The following ZCWPW2 variants were observed in gnomAD, a reference collection of about 807,000 sequenced individuals.
ZCWPW2 encodes the protein zinc finger CW-type PWWP domain protein 2.
Under a neutral mutation model 46.6 loss-of-function variants are expected in ZCWPW2, and 45 were observed. The observed-to-expected ratio is 0.96, with a 90% confidence interval of 0.76 to 1.24. ZCWPW2 has a LOEUF of 1.24. Among genes scored for constraint, ZCWPW2 ranks in the 50% most tolerant of loss-of-function variants. The pLI is 0.00. For missense variants in ZCWPW2, 429 were observed against 403.9 expected, an observed-to-expected ratio of 1.06 and a Z score of -0.53; for synonymous variants, 152 against 137.1, an observed-to-expected ratio of 1.11 and a Z score of -0.76.
In ZCWPW2 at chr3:28,440,109, C is replaced by G. The variant is rs144127856; in HGVS notation, c.492+4840C>G. On this transcript the variant is annotated intron_variant, in intron 4 of 9. Transcript: ENST00000383768. ...ATCACAGGGCATGGTAATACTAAGA[C>G]AAACTCTCATAGATCTCCTGTATTC... is the stretch of plus-strand genomic sequence containing the variant. 2.5e-3 allele frequency among the ~76,000 whole-genome samples: 385 copies of G among 152,260 alleles called. 1 individual carries two copies. The highest frequency in any genetic ancestry group is 8.4e-3 in the African/African-American group (349 of 41,546).
chr3:28,497,493 G>C (rs535230276), intron 6 of ZCWPW2, among the ~76,000 whole-genome samples: 2 of 151,632 alleles, frequency 1.3e-5, no homozygotes, highest in South Asian at 4.1e-4. Context: ...AAATGACTTA[G>C]TAAACATCCT....
intron 4 of ZCWPW2, among the ~76,000 whole-genome samples, chr3:28,451,256 T>C (rs1698213899): frequency 6.6e-6 from 1 of 152,112 alleles, no homozygotes; most frequent in Non-Finnish European, 1.5e-5. Flanking sequence ...ATATTTAAAG[T>C]CTAACAGCCA....
In ZCWPW2 at chr3:28,478,782, T is replaced by C. The variant is rs1484307892; in HGVS notation, c.493-32T>C. On this transcript the variant is annotated intron_variant, in intron 4 of 9. Transcript: ENST00000383768. Reference sequence around the variant, plus strand: ...TAAAACAAAGTTATATATTTAAAAATGAATTTTTTTCTTTTTTCTGTATTT... The same window carrying C: ...TAAAACAAAGTTATATATTTAAAAACGAATTTTTTTCTTTTTTCTGTATTT... 9 of 1,218,654 alleles carry C rather than the reference T, an allele frequency of 7.4e-6. No homozygotes were observed. The South Asian group carries it at 1.7e-4, about 23-fold the overall frequency. 75.5% of individuals were successfully genotyped at this position (1,218,654 alleles called of 1,614,324 possible). A position where few individuals can be genotyped will look rare whatever the true frequency, so the allele number is the denominator to read the frequency against.
At chr3:28,491,932 T>C (rs1246503687) in intron 5 of ZCWPW2, among the ~76,000 whole-genome samples, 195 bp from the exon 6 acceptor site, 2 of 152,064 alleles carry the variant, frequency 1.3e-5, no homozygotes, top group South Asian at 2.1e-4. Context: ...GTTCATATTA[T>C]TACTTTTGGA....
chr3:28,381,000 GTATATATATATATATATATATTTGGTATA>G lies in ZCWPW2; in HGVS notation c.-133-9482_-133-9454del, dbSNP rs1695059365. Among the ~76,000 whole-genome samples, 10 of 4,564 alleles carry G rather than the reference GTATATATATATATATATATATTTGGTATA, an allele frequency of 2.2e-3. 1 individual carries two copies. Among genetic ancestry groups the G allele is most frequent in the Admixed American group, 5.2e-3 (2 of 388 alleles). The allele number at this position is 4,564 out of a possible 152,430, so 3.0% of individuals were successfully genotyped here. On this transcript the variant is annotated intron_variant, in intron 1 of 9. Coordinates refer to ENST00000383768, the MANE Select transcript of ZCWPW2 (RefSeq NM_001040432.4). ...GTATATATATATATATATATATTTGGTATATATATATATATATATATTTGGTATATATATATATATATATTTGGTGTATA... is the reference window on the plus strand; with the variant it reads ...GTATATATATATATATATATATTTGGTATATATATATATATTTGGTGTATA...
At chr3:28,397,534 G>A (rs1265017764) in intron 2 of ZCWPW2, among the ~76,000 whole-genome samples, 5 of 152,126 alleles carry the variant, frequency 3.3e-5, no homozygotes, top group Non-Finnish European at 7.4e-5. Flanking sequence ...ACTGGGCTTG[G>A]TGGCAAGCAC....
chr3:28,471,884 A>G (rs1177634092), intron 4 of ZCWPW2, among the ~76,000 whole-genome samples: 2 of 152,338 alleles, frequency 1.3e-5, no homozygotes, highest in Non-Finnish European at 1.5e-5. Context: ...GGAAAGTTGT[A>G]GGATACTAAT....
rs140167915 is a variant in ZCWPW2 at position 28,489,282 on chromosome 3, T to C, written c.611-2845T>C. Among the ~76,000 whole-genome samples the C allele has an allele frequency of 4.5e-3, 678 of 152,264 alleles. 4 individuals are homozygous for C. Among genetic ancestry groups the C allele is most frequent in the African/African-American group, 0.015 (623 of 41,570 alleles). ...CTATTTTTAATGATTGATATTTCAT[T>C]ATGACTTTTATCCTTATTAGAGGTT... On this transcript the variant is annotated intron_variant, in intron 5 of 9. Transcript: ENST00000383768.
At chr3:28,422,759 CTATGAG>C (rs1696844918) in intron 3 of ZCWPW2, among the ~76,000 whole-genome samples, 1 of 151,786 alleles carries the variant, frequency 6.6e-6, no homozygotes, top group Non-Finnish European at 1.5e-5. Flanking sequence ...GGACAGTATG[CTATGAG>C]TATGTGTGTG....
chr3:28,448,481 C>CTATA (rs1184860926), intron 4 of ZCWPW2, among the ~76,000 whole-genome samples: 2 of 151,734 alleles, frequency 1.3e-5, no homozygotes, highest in Non-Finnish European at 2.9e-5. Flanking sequence ...CTGGAACTTA[C>CTATA]TATAGTTAAG....
At chr3:28,374,712 A>G (rs1705446736) in intron 1 of ZCWPW2, among the ~76,000 whole-genome samples, 1 of 151,900 alleles carries the variant, frequency 6.6e-6, no homozygotes, top group South Asian at 2.1e-4. Context: ...ATTGATTCTT[A>G]GTTATTTTAT....
chr3:28,359,792 A>G (rs1481289701), intron 1 of ZCWPW2, among the ~76,000 whole-genome samples: 1 of 152,084 alleles, frequency 6.6e-6, no homozygotes, highest in Non-Finnish European at 1.5e-5. Flanking sequence ...GTAATTAAAG[A>G]TAGTGTCTTT....
chr3:28,469,038 A>G (rs1272195111), intron 4 of ZCWPW2, among the ~76,000 whole-genome samples: 1 of 152,212 alleles, frequency 6.6e-6, no homozygotes, highest in Non-Finnish European at 1.5e-5. Context: ...GTAAAATAAG[A>G]TATAAATAGA....
chr3:28,475,161 A>G (rs1453169461), intron 4 of ZCWPW2, among the ~76,000 whole-genome samples: 1 of 151,942 alleles, frequency 6.6e-6, no homozygotes, highest in African/African-American at 2.4e-5. Flanking sequence ...TTGATCTTCC[A>G]ACAAATCTTT....
At chr3:28,366,900 A>G (rs1435165126) in intron 1 of ZCWPW2, among the ~76,000 whole-genome samples, 1 of 152,122 alleles carries the variant, frequency 6.6e-6, no homozygotes, top group Non-Finnish European at 1.5e-5. Flanking sequence ...GAATTTATCC[A>G]TTTCTTCTAG....
chr3:28,368,993 A>G (rs987429475), intron 1 of ZCWPW2, among the ~76,000 whole-genome samples: 1 of 152,070 alleles, frequency 6.6e-6, no homozygotes, highest in East Asian at 1.9e-4. Context: ...TTCTCGTGCC[A>G]TGGTTTTCAG....
intron 6 of ZCWPW2, among the ~76,000 whole-genome samples, chr3:28,499,938 T>C (rs1432153533): frequency 6.6e-6 from 1 of 152,078 alleles, no homozygotes; most frequent in African/African-American, 2.4e-5. Flanking sequence ...ATAGTAAAAT[T>C]GTCTCTTTTG....
At chr3:28,421,127 G>C (rs540407599) in intron 3 of ZCWPW2, among the ~76,000 whole-genome samples, 11 of 152,176 alleles carry the variant, frequency 7.2e-5, no homozygotes, top group Non-Finnish European at 1.2e-4. Flanking sequence ...ATGGGAGTAA[G>C]AGTCAAGGTT....
chr3:28,413,027 C>T (rs771706441), intron 2 of ZCWPW2, 29 bp from the exon 3 acceptor site: 2 of 1,536,842 alleles, frequency 1.3e-6, no homozygotes, highest in Admixed American at 1.8e-5. Context: ...AATCCTCATT[C>T]TGTTATTTTC....
Sources: gnomAD v4.1 joint callset for allele counts (sites outside exome capture counted in the v4.1 genomes callset) on GRCh38, gnomAD v4.1.1 for gene constraint, MANE v1.5 for transcripts, NCBI Gene and HGNC (gene_info 2026-07-23, HGNC 2026-07-21) for gene names.